The following NUBPL variants were observed in gnomAD, a reference collection of about 807,000 sequenced individuals.
NUBPL encodes the protein NUBP iron-sulfur cluster assembly factor, mitochondrial.
In NUBPL, 31 loss-of-function variants were observed where a neutral mutation model predicts 45.7. The ratio of observed to expected loss-of-function variants is 0.68; its 90% CI spans 0.51 to 0.92. The LOEUF (loss-of-function observed/expected upper bound fraction) is 0.92, where lower values mean the gene tolerates loss of function less well. Ranked by LOEUF, NUBPL falls within the 40% of genes least tolerant of loss-of-function variation. NUBPL has a pLI of 0.00. For synonymous variants in NUBPL, 144 were observed against 140.9 expected (o/e 1.02, Z -0.15); for missense variants, 401 against 398.7 (o/e 1.01, Z -0.05).
chr14:31,751,035 A>C (rs556365958), intron 6 of NUBPL, among the ~76,000 whole-genome samples: 2 of 152,116 alleles, frequency 1.3e-5, no homozygotes, highest in Non-Finnish European at 2.9e-5. Context: ...AGATTTCATG[A>C]GAACTCACTC....
intron 4 of NUBPL, among the ~76,000 whole-genome samples, chr14:31,617,354 A>T (rs1255927693): frequency 6.6e-6 from 1 of 152,136 alleles, no homozygotes. Context: ...GTCTTGTGTC[A>T]GTTTTCAAAG....
chr14:31,635,493 C>G (rs1266492687), intron 4 of NUBPL, among the ~76,000 whole-genome samples: 1 of 151,886 alleles, frequency 6.6e-6, no homozygotes. Context: ...GTTACTGTAG[C>G]CTTGTAGTAT....
intron 6 of NUBPL, 63 bp downstream of exon 6, chr14:31,673,637 A>AT (rs758237955): frequency 2.2e-5 from 31 of 1,392,734 alleles, no homozygotes; most frequent in Admixed American, 6.7e-5. Context: ...ACATTTGCTG[A>AT]TTGGAGAATT....
At chr14:31,842,512 G>A (rs371405143) in intron 8 of NUBPL, among the ~76,000 whole-genome samples, 1 of 151,702 alleles carries the variant, frequency 6.6e-6, no homozygotes, top group East Asian at 1.9e-4. Context: ...GCCTTGCTCT[G>A]TCACCCAGGC....
At chr14:31,640,677 A>G (rs1166552980) in intron 4 of NUBPL, among the ~76,000 whole-genome samples, 1 of 151,948 alleles carries the variant, frequency 6.6e-6, no homozygotes, top group Admixed American at 6.6e-5. Flanking sequence ...AATCTTTTCA[A>G]AAATTTATTT....
At chr14:31,853,087 GTTT>G (rs373789734) in intron 10 of NUBPL, among the ~76,000 whole-genome samples, 42,512 of 109,546 alleles carry the variant, frequency 0.39, 6,428 homozygotes, top group South Asian at 0.49. Context: ...GTTGTGTTTT[GTTT>G]TGTTTTGTTT....
At chr14:31,752,029 A>G (rs2038543179) in intron 6 of NUBPL, among the ~76,000 whole-genome samples, 1 of 152,176 alleles carries the variant, frequency 6.6e-6, no homozygotes, top group Non-Finnish European at 1.5e-5. Context: ...ACAGGGTGCC[A>G]TGTCCCAAGG....
At chr14:31,612,597 G>C (rs1257188981) in intron 4 of NUBPL, among the ~76,000 whole-genome samples, 1 of 151,912 alleles carries the variant, frequency 6.6e-6, no homozygotes, top group African/African-American at 2.4e-5. Flanking sequence ...GGAGGCGGAG[G>C]TTGCAGTGAG....
intron 6 of NUBPL, among the ~76,000 whole-genome samples, chr14:31,777,309 C>T (rs1055475871): frequency 2.0e-5 from 3 of 152,184 alleles, no homozygotes; most frequent in African/African-American, 7.2e-5. Context: ...TGCTCCAGGT[C>T]CATCTGGTCC....
At chr14:31,661,513 T>C (rs1276511270) in intron 4 of NUBPL, among the ~76,000 whole-genome samples, 1 of 152,176 alleles carries the variant, frequency 6.6e-6, no homozygotes, top group African/African-American at 2.4e-5. Context: ...AAATATGGCT[T>C]CAGACTATGC....
At chr14:31,687,553 G>GAT (rs1333759935) in intron 6 of NUBPL, among the ~76,000 whole-genome samples, 1 of 152,232 alleles carries the variant, frequency 6.6e-6, no homozygotes, top group African/African-American at 2.4e-5. Flanking sequence ...ATACTGCTGT[G>GAT]ATAATTTTGT....
chr14:31,691,709 G>A (rs1008324411), intron 6 of NUBPL, among the ~76,000 whole-genome samples: 2 of 152,196 alleles, frequency 1.3e-5, no homozygotes, highest in Non-Finnish European at 2.9e-5. Flanking sequence ...GAAATGAGGC[G>A]AACATTAGAG....
At chr14:31,726,756 G>T (rs367620992) in intron 6 of NUBPL, among the ~76,000 whole-genome samples, 5 of 148,048 alleles carry the variant, frequency 3.4e-5, no homozygotes, top group African/African-American at 1.3e-4. Flanking sequence ...TTGATGACTT[G>T]AGTGTTTATA....
intron 6 of NUBPL, among the ~76,000 whole-genome samples, chr14:31,754,225 AT>A (rs1242744032): frequency 1.3e-5 from 2 of 152,222 alleles, no homozygotes; most frequent in Admixed American, 6.5e-5. Context: ...TTGTATCATC[AT>A]TTTTTAACCC....
chr14:31,746,863 A>C (rs563936828), intron 6 of NUBPL, among the ~76,000 whole-genome samples: 8 of 151,978 alleles, frequency 5.3e-5, no homozygotes, highest in Admixed American at 2.0e-4. Flanking sequence ...TGAGCTCAGA[A>C]GCTTGAGACC....
At chr14:31,660,498 A>G (rs546091550) in intron 4 of NUBPL, among the ~76,000 whole-genome samples, 1 of 152,210 alleles carries the variant, frequency 6.6e-6, no homozygotes, top group Non-Finnish European at 1.5e-5. Flanking sequence ...CTTTCTGAAC[A>G]TTCTTGTATC....
chr14:31,739,836 C>A (rs930768357), intron 6 of NUBPL, among the ~76,000 whole-genome samples: 1 of 152,110 alleles, frequency 6.6e-6, no homozygotes, highest in African/African-American at 2.4e-5. Flanking sequence ...TCCCTCTGAC[C>A]CCTGATATGC....
At chr14:31,802,813 A>G (rs1267139716) in intron 7 of NUBPL, among the ~76,000 whole-genome samples, 1 of 152,216 alleles carries the variant, frequency 6.6e-6, no homozygotes, top group Non-Finnish European at 1.5e-5. Context: ...GGCCCTGCTG[A>G]TAGAAGGAAA....
At chr14:31,824,131 T>C (rs113428986) in intron 7 of NUBPL, among the ~76,000 whole-genome samples, 1,625 of 152,244 alleles carry the variant, frequency 0.011, 26 homozygotes, top group African/African-American at 0.037. Flanking sequence ...TTATTGAATG[T>C]TAGGCATCAT....
Sources: gnomAD v4.1 joint callset for allele counts (sites outside exome capture counted in the v4.1 genomes callset) on GRCh38, gnomAD v4.1.1 for gene constraint, MANE v1.5 for transcripts, NCBI Gene and HGNC (gene_info 2026-07-23, HGNC 2026-07-21) for gene names.